The following TCF4 variants were observed in gnomAD, a reference collection of about 807,000 sequenced individuals.
TCF4 encodes the protein transcription factor 4, also known as SL3-3 enhancer factor 2.
TCF4 carries 3 observed loss-of-function variants against 82.1 expected under a neutral mutation model. The observed-to-expected ratio is 0.04, with a 90% CI of 0.02 to 0.09. The LOEUF is 0.09. Among genes scored for constraint, TCF4 ranks in the 10% least tolerant of loss-of-function variants. TCF4 has a pLI of 1.00. For synonymous variants in TCF4, 276 were observed against 309.6 expected, an observed-to-expected ratio of 0.89 and a Z score of 1.14; for missense variants, 518 against 852.7, an observed-to-expected ratio of 0.61 and a Z score of 4.89.
At chr18:55,258,357 A>C (rs1047016742) in intron 13 of TCF4, among the ~76,000 whole-genome samples, 1 of 152,160 alleles carries the variant, frequency 6.6e-6, no homozygotes, top group Non-Finnish European at 1.5e-5. Context: ...CAAGACCCAA[A>C]AAGTGGCATC....
In TCF4 at chr18:55,278,203, A is replaced by G. The variant is rs191247533; in HGVS notation, c.655+1348T>C. On this transcript the variant is annotated intron_variant, in intron 9 of 19. Transcript: ENST00000354452. ...GAGAATGATTTTGAGTGTGTCCACT[A>G]TATCAGGCTGCTTCCCTGGTACTCT... Among the ~76,000 whole-genome samples the G allele has an allele frequency of 2.9e-4, 43 of 148,156 alleles. No homozygotes were observed. In the East Asian group the frequency reaches 4.8e-3, roughly 17 times the overall value.
chr18:55,510,487 A>G, intron 3 of TCF4: 1 of 971,358 alleles, frequency 1.0e-6, no homozygotes, highest in Non-Finnish European at 1.4e-6. Flanking sequence ...AAATATGTCC[A>G]GCAATTCAAA....
chr18:55,411,313 C>T (rs1162243058), intron 5 of TCF4, among the ~76,000 whole-genome samples: 3 of 152,190 alleles, frequency 2.0e-5, no homozygotes, highest in African/African-American at 7.2e-5. Flanking sequence ...AACATCTTCA[C>T]AGTGATGCCT....
intron 3 of TCF4, among the ~76,000 whole-genome samples, chr18:55,568,583 TCTCA>T (rs1219419281): frequency 6.6e-6 from 1 of 151,896 alleles, no homozygotes; most frequent in African/African-American, 2.4e-5. Context: ...AAAGTAAAGC[TCTCA>T]CTCTCAATAT....
intron 6 of TCF4, among the ~76,000 whole-genome samples, chr18:55,388,940 G>A (rs1363285248): frequency 6.6e-6 from 1 of 151,870 alleles, no homozygotes; most frequent in East Asian, 1.9e-4. Flanking sequence ...TGGCTAACAC[G>A]GTGAAACCCC....
intron 3 of TCF4, among the ~76,000 whole-genome samples, chr18:55,516,590 T>A (rs998936044): frequency 6.6e-6 from 1 of 152,078 alleles, no homozygotes; most frequent in Non-Finnish European, 1.5e-5. Context: ...ATGGTGAGCA[T>A]TAGAAGAGGA....
chr18:55,338,695 A>G (rs1372626842), intron 8 of TCF4, among the ~76,000 whole-genome samples: 1 of 152,268 alleles, frequency 6.6e-6, no homozygotes, highest in East Asian at 1.9e-4. Flanking sequence ...AGAGTGAAGT[A>G]TTCTCCCCCC....
At chr18:55,634,577 G>C (rs1006797559) in intron 1 of TCF4, among the ~76,000 whole-genome samples, 3 of 152,172 alleles carry the variant, frequency 2.0e-5, no homozygotes, top group Non-Finnish European at 4.4e-5. Flanking sequence ...CAGAAAGATA[G>C]TTTGGGCCAT....
intron 2 of TCF4, among the ~76,000 whole-genome samples, chr18:55,595,488 C>G (rs923992523): frequency 2.6e-5 from 4 of 152,088 alleles, no homozygotes; most frequent in African/African-American, 9.7e-5. Context: ...CAGGAATGAC[C>G]CAGAAAATTA....
chr18:55,379,651 A>G (rs1235837242), intron 6 of TCF4, among the ~76,000 whole-genome samples: 2 of 152,194 alleles, frequency 1.3e-5, no homozygotes, highest in Non-Finnish European at 2.9e-5. Context: ...TAGTTAATTC[A>G]GTTAATTTAC....
At chr18:55,309,868 C>A (rs2071723359) in intron 8 of TCF4, among the ~76,000 whole-genome samples, 1 of 152,038 alleles carries the variant, frequency 6.6e-6, no homozygotes, top group African/African-American at 2.4e-5. Context: ...AAAAAAAGGT[C>A]AATACTCCCT....
Position 55,222,868 on chromosome 18 carries a change from A to G in TCF4, c.*5167T>C, listed in dbSNP as rs1229025570. 6.6e-6 allele frequency: 1 copy of G among 152,640 alleles called. No homozygotes were observed. The highest frequency in any genetic ancestry group is 1.5e-5 in the Non-Finnish European group (1 of 68,034). 9.5% of individuals were successfully genotyped at this position (152,640 alleles called of 1,614,324 possible). On this transcript the variant is annotated 3_prime_UTR_variant, in exon 20 of 20. Coordinates refer to ENST00000354452, the MANE Select transcript of TCF4 (RefSeq NM_001083962.2). Reference sequence around the variant, plus strand: ...GTCAGTTTGTACAAGTTAGAAAAAAACATCTGGTTGTTTACATCTGGATTA... The same window carrying G: ...GTCAGTTTGTACAAGTTAGAAAAAAGCATCTGGTTGTTTACATCTGGATTA...
In TCF4 at chr18:55,241,748, A is replaced by G. The variant is rs1025485151; in HGVS notation, c.1351-7065T>C. Among the ~76,000 whole-genome samples, 9 of 152,248 alleles carry G rather than the reference A, an allele frequency of 5.9e-5. No individual in the cohort carries two copies. In the South Asian group the frequency reaches 1.9e-3, roughly 32 times the overall value. ...GTAATATATTTGAAAAGAGAGTAGA[A>G]GTATAAAGAAGCTCACCTAAACGAA... On this transcript the variant is annotated intron_variant, in intron 15 of 19. Coordinates refer to ENST00000354452, the MANE Select transcript of TCF4 (RefSeq NM_001083962.2).
Position 55,631,372 on chromosome 18 carries a change from T to C in TCF4, c.212A>G (p.His71Arg), listed in dbSNP as rs1407373277. 2.6e-6 allele frequency: 4 copies of C among 1,548,492 alleles called. No homozygotes were observed. In the South Asian group the frequency reaches 4.8e-5, roughly 18 times the overall value. ...CCAAGAGATAATGTTCTTAGATTGG[T>C]GTTTACAAAACATTTGCTGCAGGGT... Residue 71 changes from histidine to arginine, a missense_variant, in exon 2 of 21, where the codon CAC becomes CGC. Transcript: ENST00000398339.
chr18:55,494,692 C>A (rs2096613834), intron 3 of TCF4, among the ~76,000 whole-genome samples: 1 of 151,994 alleles, frequency 6.6e-6, no homozygotes, highest in Admixed American at 6.6e-5. Context: ...AACACATTCA[C>A]CTGCAACATT....
intron 3 of TCF4, among the ~76,000 whole-genome samples, chr18:55,560,595 A>G (rs1348922992): frequency 1.3e-5 from 2 of 152,216 alleles, no homozygotes; most frequent in Non-Finnish European, 2.9e-5. Flanking sequence ...CAACTGACAT[A>G]TGTGGACATC....
intron 5 of TCF4, among the ~76,000 whole-genome samples, chr18:55,432,618 ATC>A (rs1434909192): frequency 6.6e-6 from 1 of 152,216 alleles, no homozygotes; most frequent in Non-Finnish European, 1.5e-5. Context: ...TAGATTCATC[ATC>A]TGTCAGAGAA....
At chr18:55,544,198 G>C (rs879287516) in intron 3 of TCF4, among the ~76,000 whole-genome samples, 3 of 152,176 alleles carry the variant, frequency 2.0e-5, no homozygotes, top group African/African-American at 4.8e-5. Context: ...TTAGCCTTGA[G>C]TAAGTAATTT....
chr18:55,273,376 A>G (rs750065721), intron 10 of TCF4, among the ~76,000 whole-genome samples: 35 of 152,144 alleles, frequency 2.3e-4, no homozygotes, highest in Admixed American at 8.5e-4. Flanking sequence ...TTTTTCTTAA[A>G]CTATCCCTTT....
Sources: allele counts gnomAD v4.1 joint callset (sites outside exome capture counted in the v4.1 genomes callset), GRCh38; gene constraint gnomAD v4.1.1; transcripts MANE v1.5; gene names NCBI Gene and HGNC (gene_info 2026-07-23, HGNC 2026-07-21).